PACRG: variants seen among roughly 807,000 people sequenced by gnomAD.
The protein encoded by PACRG is parkin coregulated gene protein.
Under a neutral mutation model 29.7 loss-of-function variants are expected in PACRG, and 29 were observed. The ratio of observed to expected loss-of-function variants is 0.98; its 90% CI spans 0.73 to 1.33. The LOEUF (loss-of-function observed/expected upper bound fraction) is 1.33. Ranked by LOEUF, PACRG falls within the 40% of genes most tolerant of loss-of-function variation. The pLI is 0.00. For synonymous variants in PACRG, 116 were observed against 118.7 expected (o/e 0.98, Z 0.15); for missense variants, 279 against 316.2 (o/e 0.88, Z 0.89).
At chr6:163,021,828 G>A (rs947390009) in intron 2 of PACRG, among the ~76,000 whole-genome samples, 5 of 152,196 alleles carry the variant, frequency 3.3e-5, no homozygotes, top group African/African-American at 1.2e-4. Context: ...CCTCAAGGGA[G>A]GCACTGTCGT....
At chr6:162,787,134 G>A (rs1040456796) in intron 1 of PACRG, among the ~76,000 whole-genome samples, 6 of 151,912 alleles carry the variant, frequency 3.9e-5, no homozygotes, top group Non-Finnish European at 7.4e-5. Context: ...TTCATTTATG[G>A]GTAGCTCCTC....
At chr6:162,749,517 A>G (rs753115038) in intron 1 of PACRG, among the ~76,000 whole-genome samples, 1 of 151,976 alleles carries the variant, frequency 6.6e-6, no homozygotes, top group Non-Finnish European at 1.5e-5. Flanking sequence ...AAAAGGAAAC[A>G]TATTTCTTTT....
intron 4 of PACRG, among the ~76,000 whole-genome samples, chr6:163,188,131 T>C (rs1471923336): frequency 6.6e-6 from 1 of 152,188 alleles, no homozygotes; most frequent in Non-Finnish European, 1.5e-5. Context: ...ATGTGATCTG[T>C]GCAAATAGAG....
chr6:162,831,832 G>A (rs1413089516), intron 2 of PACRG, among the ~76,000 whole-genome samples: 5 of 152,124 alleles, frequency 3.3e-5, no homozygotes, highest in Non-Finnish European at 7.4e-5. Context: ...TGCAAAGGAC[G>A]TAATCTTGCT....
intron 2 of PACRG, among the ~76,000 whole-genome samples, chr6:162,849,838 G>A (rs529921111): frequency 2.3e-4 from 35 of 152,222 alleles, no homozygotes; most frequent in African/African-American, 6.3e-4. Context: ...GTAAATAGTC[G>A]CTAATCAATA....
chr6:163,253,914 T>A (rs1458256109), intron 4 of PACRG, among the ~76,000 whole-genome samples: 1 of 152,142 alleles, frequency 6.6e-6, no homozygotes, highest in Non-Finnish European at 1.5e-5. Context: ...AGGGGCTTAG[T>A]GTTCCTGGAG....
At chr6:163,106,734 A>G (rs889346633) in intron 4 of PACRG, among the ~76,000 whole-genome samples, 3 of 152,362 alleles carry the variant, frequency 2.0e-5, no homozygotes, top group South Asian at 2.1e-4. Context: ...TAGCTTCACT[A>G]TAGGTATCCT....
chr6:162,730,102 G>A (rs1779645298), intron 1 of PACRG, among the ~76,000 whole-genome samples: 2 of 148,756 alleles, frequency 1.3e-5, no homozygotes, highest in Admixed American at 1.3e-4. Context: ...GCTAAGCACA[G>A]TTCTGGGGAT....
At chr6:163,065,667 T>C (rs1249439808) in intron 3 of PACRG, among the ~76,000 whole-genome samples, 6 of 152,122 alleles carry the variant, frequency 3.9e-5, no homozygotes, top group African/African-American at 1.4e-4. Context: ...AGAAGAAACT[T>C]GTAGAAACTT....
At chr6:162,808,537 T>C in intron 1 of PACRG, among the ~76,000 whole-genome samples, 1 of 152,192 alleles carries the variant, frequency 6.6e-6, no homozygotes, top group East Asian at 1.9e-4. Context: ...CTTATTATTA[T>C]TAGTTTTGTG....
At chr6:162,824,542 A>G (rs775336964) in intron 2 of PACRG, among the ~76,000 whole-genome samples, 24 of 152,116 alleles carry the variant, frequency 1.6e-4, no homozygotes, top group Admixed American at 3.3e-4. Flanking sequence ...ATCTTCATAG[A>G]TAATTTTGTG....
chr6:163,224,798 T>G (rs895227998), intron 4 of PACRG, among the ~76,000 whole-genome samples: 2 of 147,858 alleles, frequency 1.4e-5, no homozygotes, highest in Admixed American at 6.9e-5. Context: ...TGTTGTTGTT[T>G]TTGATATAAC....
intron 2 of PACRG, among the ~76,000 whole-genome samples, chr6:163,015,568 T>G (rs1260713169): frequency 6.6e-6 from 1 of 152,178 alleles, no homozygotes; most frequent in African/African-American, 2.4e-5. Flanking sequence ...ATCTTGCACC[T>G]CCTTTGTCAG....
rs368878258 is a variant in PACRG, at chr6:163,250,883, G to GTATATATATATATATATATA, written c.614-63939_614-63920dup. 2.5e-3 allele frequency among the ~76,000 whole-genome samples: 342 copies of GTATATATATATATATATATA among 137,984 alleles called. 4 individuals carry two copies. The highest frequency in any genetic ancestry group is 9.1e-3 in the African/African-American group (330 of 36,400). 90.5% of individuals were successfully genotyped at this position (137,984 alleles called of 152,430 possible). On this transcript the variant is annotated intron_variant, in intron 4 of 4. Transcript: ENST00000366888. ...TCAATGAGTGGATAAAGAAATTGTTGTATATATATATATATATATATATAC... is the reference window on the plus strand; with the variant it reads ...TCAATGAGTGGATAAAGAAATTGTTGTATATATATATATATATATATATATATATATATATATATATATAC...
intron 1 of PACRG, among the ~76,000 whole-genome samples, chr6:162,729,934 A>G (rs1026033290): frequency 2.1e-4 from 32 of 152,092 alleles, no homozygotes; most frequent in African/African-American, 7.0e-4. Flanking sequence ...GAGATCCATT[A>G]TCTTCTCTTT....
At chr6:162,996,403 A>C (rs1256758107) in intron 2 of PACRG, among the ~76,000 whole-genome samples, 1 of 152,180 alleles carries the variant, frequency 6.6e-6, no homozygotes, top group African/African-American at 2.4e-5. Context: ...TAATATGTTC[A>C]CATCCTTCAA....
At chr6:163,067,706 C>T (rs1811679803) in intron 3 of PACRG, among the ~76,000 whole-genome samples, 1 of 152,162 alleles carries the variant, frequency 6.6e-6, no homozygotes, top group Non-Finnish European at 1.5e-5. Context: ...TTGGAAACTC[C>T]TTTGAAAGAC....
Position 162,853,471 on chromosome 6 carries a change from G to T in PACRG, c.291+39190G>T, listed in dbSNP as rs981260559. ...ATTATTTTATTCACAGAACTGTGGT[G>T]TTCTCAGTCCTTGTAGCCAATCTTC... On this transcript the variant is annotated intron_variant, in intron 2 of 4. Coordinates refer to ENST00000366888, the MANE Select transcript of PACRG (RefSeq NM_001080379.2). This position sits in a 1 kb window ranked among gnomAD's most constrained non-coding sequence, Gnocchi z 4.7. Among the ~76,000 whole-genome samples, 1 of 152,188 alleles carries T rather than the reference G, an allele frequency of 6.6e-6. No individual in the cohort carries two copies. The highest frequency in any genetic ancestry group is 1.5e-5 in the Non-Finnish European group (1 of 68,036).
intron 2 of PACRG, among the ~76,000 whole-genome samples, chr6:162,886,327 C>G (rs975560964): frequency 1.3e-5 from 2 of 152,172 alleles, no homozygotes; most frequent in Non-Finnish European, 2.9e-5. Context: ...AGGTCCTTCT[C>G]CTCCTTGGCC....
Sources: allele counts gnomAD v4.1 joint callset (sites outside exome capture counted in the v4.1 genomes callset), GRCh38; gene constraint gnomAD v4.1.1; non-coding constraint Gnocchi (gnomAD v3.1); transcripts MANE v1.5; gene names NCBI Gene and HGNC (gene_info 2026-07-23, HGNC 2026-07-21).